The following SNIP1 variants were observed in gnomAD, a reference collection of about 807,000 sequenced individuals.
SNIP1 encodes the protein Smad nuclear interacting protein 1.
In SNIP1, 23 loss-of-function variants were observed where a neutral mutation model predicts 37.4. The ratio of observed to expected loss-of-function variants is 0.61; its 90% CI spans 0.44 to 0.87. The LOEUF is 0.87. SNIP1 is among the 40% of genes least tolerant of loss of function. The pLI is 0.00. For synonymous variants in SNIP1, 174 were observed against 200.0 expected, an observed-to-expected ratio of 0.87 and a Z score of 1.10; for missense variants, 459 against 540.4, an observed-to-expected ratio of 0.85 and a Z score of 1.49.
chr1:37,544,996 C>G, intron 2 of SNIP1: 2 of 766,622 alleles, frequency 2.6e-6, no homozygotes, highest in Non-Finnish European at 4.8e-6. Context: ...GAATCTTCTT[C>G]CTTCGGGACT....
rs1393320563 is a variant in SNIP1, at chr1:37,536,906, G to A, written c.*842C>T. ...ATAAAGAAAGAACGCTGTCACATCA[G>A]TGACAGTTTATTTCTCAAAGAAAAA... On this transcript the variant is annotated 3_prime_UTR_variant, in exon 4 of 4. Coordinates refer to ENST00000296215, the MANE Select transcript of SNIP1 (RefSeq NM_024700.4). 1 of 152,002 alleles carries A rather than the reference G, an allele frequency of 6.6e-6. No individual in the cohort carries two copies. Among genetic ancestry groups the A allele is most frequent in the Admixed American group, 6.5e-5 (1 of 15,274 alleles). 9.4% of individuals were successfully genotyped at this position (152,002 alleles called of 1,614,324 possible).
chr1:37,554,041 C>A lies in SNIP1; in HGVS notation c.189G>T (p.Ser63=). The A allele has an allele frequency of 6.3e-7, 1 of 1,583,054 alleles. No homozygotes were observed. Among genetic ancestry groups the A allele is most frequent in the East Asian group, 2.3e-5 (1 of 43,324 alleles). The change falls in exon 1 of 4, where the codon TCG becomes TCT. Residue 63 remains serine, a synonymous_variant. Transcript: ENST00000296215. ...PSPPTSEPAR[S]GHRGNRARGV... is the part of the protein sequence containing the mutation. ...CTCGGGCTCGGTTCCCGCGGTGGCC[C>A]GAGCGGGCCGGCTCGCTGGTCGGCG...
rs34099617 is a variant in SNIP1 at position 37,546,145 on chromosome 1, A to AC, written c.328-5391dup. On this transcript the variant is annotated intron_variant, in intron 2 of 3. Transcript: ENST00000296215. ...TAAAAGTGGAAGCACTGGGACTAAG[A>AC]CCCCCCCCCCCCCCGCTCCCTGCCA... Among the ~76,000 whole-genome samples the AC allele has an allele frequency of 1.3e-3, 167 of 124,892 alleles. 3 individuals carry two copies. The highest frequency in any genetic ancestry group is 3.3e-3 in the African/African-American group (96 of 29,012). 81.9% of individuals were successfully genotyped at this position (124,892 alleles called of 152,430 possible).
chr1:37,551,074 GACACACACACAC>G (rs55724495), intron 2 of SNIP1, among the ~76,000 whole-genome samples: 8 of 144,010 alleles, frequency 5.6e-5, no homozygotes, highest in African/African-American at 1.8e-4. Context: ...CAGCCTGGGT[GACACACACACAC>G]ACACACACAC....
intron 2 of SNIP1, among the ~76,000 whole-genome samples, chr1:37,541,864 C>A (rs1480015631): frequency 6.6e-6 from 1 of 152,166 alleles, no homozygotes; most frequent in Non-Finnish European, 1.5e-5. Context: ...TAACTAAGCA[C>A]TTGTGAACTG....
intron 2 of SNIP1, among the ~76,000 whole-genome samples, chr1:37,550,887 A>T (rs1187460689): frequency 6.6e-6 from 1 of 151,994 alleles, no homozygotes; most frequent in African/African-American, 2.4e-5. Context: ...CGAGGTCAGA[A>T]GTTTGAGACC....
chr1:37,543,398 G>A (rs1643194954), intron 2 of SNIP1, among the ~76,000 whole-genome samples: 1 of 151,598 alleles, frequency 6.6e-6, no homozygotes. Flanking sequence ...CTGTAATTTC[G>A]TAATTTAAAA....
At chr1:37,548,537 T>A (rs1191681957) in intron 2 of SNIP1, among the ~76,000 whole-genome samples, 1 of 151,896 alleles carries the variant, frequency 6.6e-6, no homozygotes, top group Non-Finnish European at 1.5e-5. Context: ...GCTGGTCTCC[T>A]GACCTCAGGT....
chr1:37,546,508 T>C (rs1193328835), intron 2 of SNIP1, among the ~76,000 whole-genome samples: 1 of 152,052 alleles, frequency 6.6e-6, no homozygotes, highest in Non-Finnish European at 1.5e-5. Context: ...ATCCCATCTC[T>C]ACTAAAAATA....
Position 37,540,722 on chromosome 1 carries a change from C to T in SNIP1, c.361G>A (p.Asp121Asn), listed in dbSNP as rs1157379746. The T allele has an allele frequency of 1.2e-6, 2 of 1,610,866 alleles. No individual in the cohort carries two copies. The highest frequency in any genetic ancestry group is 1.7e-6 in the Non-Finnish European group (2 of 1,178,308). Residue 121 changes from aspartate (D) to asparagine (N), a missense_variant, in exon 3 of 4, where the codon GAT (aspartate) becomes AAT (asparagine). Coordinates refer to ENST00000296215, the MANE Select transcript of SNIP1 (RefSeq NM_024700.4). The surrounding 1 kb of genome is among the most constrained non-coding windows in gnomAD (Gnocchi z 5.6). ...TCTGATGGTTCCCTGTGCTGCCGATCCTCCCGTCCTCTCCGGGGATGATCC... is the reference window on the plus strand; with the variant it reads ...TCTGATGGTTCCCTGTGCTGCCGATTCTCCCGTCCTCTCCGGGGATGATCC... ...REDHPRRGRE[D>N]RQHREPSEQE... is the part of the protein sequence containing the mutation.
At chr1:37,548,032 G>A (rs919274451) in intron 2 of SNIP1, among the ~76,000 whole-genome samples, 7 of 150,262 alleles carry the variant, frequency 4.7e-5, no homozygotes, top group Non-Finnish European at 8.9e-5. Flanking sequence ...GGCGCCTGTA[G>A]TCCCAGCTAC....
intron 2 of SNIP1, chr1:37,545,368 T>TG (rs1643221095): frequency 1.9e-6 from 1 of 516,178 alleles, no homozygotes; most frequent in Non-Finnish European, 3.7e-6. Context: ...GCATGCATGT[T>TG]GGGGTCTCCT....
chr1:37,540,655 T>G lies in SNIP1; in HGVS notation c.428A>C (p.His143Pro). The change falls in exon 3 of 4, where the codon CAC (histidine) becomes CCC (proline). Residue 143 changes from histidine to proline, a missense_variant. His to Pro is a moderately conservative substitution (Grantham distance 77, BLOSUM62 -2). Transcript: ENST00000296215. This position sits in a 1 kb window ranked among gnomAD's most constrained non-coding sequence, Gnocchi z 5.6. ...TCTCCTTTGGTGGGAATGGCCCCGG[T>G]GTCTGTCCCGGTCACTGTTCCTAGC... ...RRARNSDRDR[H>P]RGHSHQRRTS... is the part of the protein sequence containing the mutation. The G allele has an allele frequency of 6.2e-7, 1 of 1,614,104 alleles. No homozygotes were observed. Among genetic ancestry groups the G allele is most frequent in the Non-Finnish European group, 8.5e-7 (1 of 1,180,040 alleles).
rs1570018461 is a variant in SNIP1, at chr1:37,540,077, A to G, written c.926+80T>C. ...GAGGGGTATGGGATTCTTCTGCATA[A>G]ACATGAACAAAAATCTTAGTAATCC... is the stretch of plus-strand genomic sequence containing the variant. On this transcript the variant is annotated intron_variant, in intron 3 of 3. Coordinates refer to ENST00000296215, the MANE Select transcript of SNIP1 (RefSeq NM_024700.4). The surrounding 1 kb of genome is among the most constrained non-coding windows in gnomAD (Gnocchi z 5.6). 1.4e-5 allele frequency: 18 copies of G among 1,296,860 alleles called. No homozygotes were observed. The East Asian group carries it at 4.2e-4, about 30-fold the overall frequency. 80.3% of individuals were successfully genotyped at this position (1,296,860 alleles called of 1,614,324 possible).
At chr1:37,547,357 G>A (rs993237166) in intron 2 of SNIP1, among the ~76,000 whole-genome samples, 1 of 152,160 alleles carries the variant, frequency 6.6e-6, no homozygotes. Flanking sequence ...TTGGGGACGA[G>A]AGAAGTAAAC....
At chr1:37,553,582 G>A (rs962596691) in intron 1 of SNIP1, among the ~76,000 whole-genome samples, 1 of 151,966 alleles carries the variant, frequency 6.6e-6, no homozygotes, top group Non-Finnish European at 1.5e-5. Context: ...CTAGCAAGAA[G>A]TAACTTTTTT....
In SNIP1 at chr1:37,536,572, A is replaced by AAAT. The variant is rs1185765553; in HGVS notation, c.*1173_*1175dup. 6.6e-6 allele frequency: 1 copy of AAAT among 152,482 alleles called. No individual in the cohort carries two copies. The highest frequency in any genetic ancestry group is 1.5e-5 in the Non-Finnish European group (1 of 68,038). The allele number at this position is 152,482 out of a possible 1,614,324, so 9.4% of individuals were successfully genotyped here. A position where few individuals can be genotyped will look rare whatever the true frequency, so the allele number is the denominator to read the frequency against. ...TACAAATTTTATTTTTTTATCCCAAAAATACATATAAATGAAAACCTGCTC... is the reference window on the plus strand; with the variant it reads ...TACAAATTTTATTTTTTTATCCCAAAAATAATACATATAAATGAAAACCTGCTC... On this transcript the variant is annotated 3_prime_UTR_variant, in exon 4 of 4. Coordinates refer to ENST00000296215, the MANE Select transcript of SNIP1 (RefSeq NM_024700.4).
rs1210990762 is a variant in SNIP1, at chr1:37,534,747, T to G, written c.*3001A>C. On this transcript the variant is annotated 3_prime_UTR_variant, in exon 4 of 4. Coordinates refer to ENST00000296215, the MANE Select transcript of SNIP1 (RefSeq NM_024700.4). ...CTAGGAAGAGACTCAAGGGGTAAAATCTGAAGATTCTGTCCCATACCTCTG... is the reference window on the plus strand; with the variant it reads ...CTAGGAAGAGACTCAAGGGGTAAAAGCTGAAGATTCTGTCCCATACCTCTG... 3 of 152,098 alleles carry G rather than the reference T, an allele frequency of 2.0e-5. No individual in the cohort carries two copies. The highest frequency in any genetic ancestry group is 7.2e-5 in the African/African-American group (3 of 41,416). The allele number at this position is 152,098 out of a possible 1,614,324, so 9.4% of individuals were successfully genotyped here.
At position 37,537,941 on chromosome 1, in the gene SNIP1, G is replaced by C; in HGVS notation, c.998C>G (p.Ser333Ter). 6.2e-7 allele frequency: 1 copy of C among 1,614,134 alleles called. No individual in the cohort carries two copies. The highest frequency in any genetic ancestry group is 1.1e-5 in the South Asian group (1 of 91,082). Residue 333 changes from serine (S) to a stop codon, truncating the protein, a stop_gained, in exon 4 of 4, where the codon TCA (serine) becomes TGA (stop). Transcript: ENST00000296215. LOFTEE classifies it high-confidence loss of function. Reference sequence around the variant, plus strand: ...GTTGTTTAAGAAGGTTCCATTGCCTGAGCCAAGGTCAATGATGTAGGGCTT... The same window carrying C: ...GTTGTTTAAGAAGGTTCCATTGCCTCAGCCAAGGTCAATGATGTAGGGCTT... ...RVKPYIIDLG[S>*]GNGTFLNNKR...
Sources: gnomAD v4.1 joint callset for allele counts (sites outside exome capture counted in the v4.1 genomes callset) on GRCh38, gnomAD v4.1.1 for gene constraint, Gnocchi (gnomAD v3.1) non-coding constraint, MANE v1.5 for transcripts, NCBI Gene and HGNC (gene_info 2026-07-23, HGNC 2026-07-21) for gene names.